CTNNA2: variants seen among roughly 807,000 people sequenced by gnomAD.
CTNNA2 encodes catenin alpha 2.
CTNNA2 carries 42 observed loss-of-function variants against 101.0 expected under a neutral mutation model. The observed-to-expected ratio is 0.42, with a 90% confidence interval of 0.32 to 0.54. CTNNA2 has a LOEUF of 0.54. CTNNA2 is among the 20% of genes least tolerant of loss of function. The probability of loss-of-function intolerance (pLI) is 0.14; values close to 1 mark genes in which losing one functional copy is unlikely to be tolerated. For synonymous variants in CTNNA2, 450 were observed against 456.4 expected, an observed-to-expected ratio of 0.99 and a Z score of 0.18; for missense variants, 871 against 1,223.1, an observed-to-expected ratio of 0.71 and a Z score of 4.29.
At chr2:80,360,217 G>C (rs1412054068) in intron 7 of CTNNA2, among the ~76,000 whole-genome samples, 1 of 152,056 alleles carries the variant, frequency 6.6e-6, no homozygotes, top group Admixed American at 6.6e-5. Context: ...GTTTATATAT[G>C]CTGAAAAGTT....
chr2:80,290,232 T>A (rs927481034), intron 7 of CTNNA2, among the ~76,000 whole-genome samples: 6 of 152,134 alleles, frequency 3.9e-5, no homozygotes, highest in African/African-American at 1.2e-4. Flanking sequence ...GCCAGATAGT[T>A]TTTTAGTACA....
intron 2 of CTNNA2, among the ~76,000 whole-genome samples, chr2:79,210,106 G>GTGTGTGTGTGTGTGTGTGTGTGTGTC (rs1674152680): frequency 1.3e-5 from 2 of 151,754 alleles, no homozygotes; most frequent in Non-Finnish European, 2.9e-5. Flanking sequence ...GTGTGTGTGT[G>GTGTGTGTGTGTGTGTGTGTGTGTGTC]TGTGTGTGTT....
intron 2 of CTNNA2, among the ~76,000 whole-genome samples, chr2:79,219,979 G>A (rs996176272): frequency 2.6e-5 from 4 of 152,152 alleles, no homozygotes; most frequent in Admixed American, 6.5e-5. Context: ...CCTCCTAGGA[G>A]TTTTCCTATT....
intron 9 of CTNNA2, among the ~76,000 whole-genome samples, chr2:80,503,603 G>C (rs974175181): frequency 1.4e-4 from 21 of 152,074 alleles, no homozygotes; most frequent in African/African-American, 5.1e-4. Context: ...GGCTCTTAGA[G>C]ACCTAATTCA....
At chr2:79,445,238 G>A (rs186831217) in intron 4 of CTNNA2, among the ~76,000 whole-genome samples, 1 of 152,104 alleles carries the variant, frequency 6.6e-6, no homozygotes, top group African/African-American at 2.4e-5. Context: ...GACTTACAAA[G>A]AACACAAGGA....
intron 4 of CTNNA2, among the ~76,000 whole-genome samples, chr2:79,378,251 C>T (rs1678001022): frequency 6.6e-6 from 1 of 152,228 alleles, no homozygotes; most frequent in East Asian, 1.9e-4. Context: ...ATGTCTTTGA[C>T]ATGGGCAATG....
chr2:80,097,073 C>T (rs187368829), intron 7 of CTNNA2, among the ~76,000 whole-genome samples: 44 of 152,240 alleles, frequency 2.9e-4, no homozygotes, highest in African/African-American at 9.6e-4. Context: ...TTATTTTGCT[C>T]GTTAGTTGAT....
At chr2:79,563,283 A>G (rs1160449574) in intron 1 of CTNNA2, among the ~76,000 whole-genome samples, 2 of 151,814 alleles carry the variant, frequency 1.3e-5, no homozygotes, top group Non-Finnish European at 2.9e-5. Flanking sequence ...TATATAATTT[A>G]TGATGGGATT....
chr2:80,047,854 G>A (rs76220730), intron 7 of CTNNA2, among the ~76,000 whole-genome samples: 2,459 of 152,210 alleles, frequency 0.016, 55 homozygotes, highest in African/African-American at 0.055. Context: ...AATTTGAAAC[G>A]TGAGGGACAA....
At chr2:80,372,965 C>G (rs575845346) in intron 7 of CTNNA2, among the ~76,000 whole-genome samples, 11 of 152,274 alleles carry the variant, frequency 7.2e-5, no homozygotes, top group Admixed American at 4.6e-4. Context: ...GGTAGCCCTC[C>G]ACAACAAAGA....
At chr2:80,199,164 G>A (rs1707033334) in intron 7 of CTNNA2, among the ~76,000 whole-genome samples, 1 of 109,978 alleles carries the variant, frequency 9.1e-6, no homozygotes, top group African/African-American at 3.6e-5. Flanking sequence ...CTGGGAGACA[G>A]AGTGAGACTC....
At chr2:79,593,667 C>T (rs933835595) in intron 1 of CTNNA2, among the ~76,000 whole-genome samples, 3 of 152,064 alleles carry the variant, frequency 2.0e-5, no homozygotes, top group Admixed American at 1.3e-4. Flanking sequence ...GAAATGCTGA[C>T]TCAGCATCTT....
chr2:79,703,444 G>A (rs554311788), intron 2 of CTNNA2, among the ~76,000 whole-genome samples: 149 of 152,266 alleles, frequency 9.8e-4, no homozygotes, highest in African/African-American at 3.3e-3. Context: ...TATGGTAAGT[G>A]AAATCCTTTC....
At position 80,490,590 on chromosome 2, in the gene CTNNA2, G is replaced by A. The variant is rs1241877240; in HGVS notation, c.1291-54392G>A. ...GCCTTGGGCCAGATTTAAACAGCGG[G>A]CTGCAGTTTGCTGAGCTCAGTTTTA... On this transcript the variant is annotated intron_variant, in intron 9 of 18. Transcript: ENST00000402739. Among the ~76,000 whole-genome samples the A allele has an allele frequency of 2.0e-5, 3 of 152,084 alleles. No individual in the cohort carries two copies. In the East Asian group the frequency reaches 5.8e-4, roughly 29 times the overall value.
At chr2:79,524,959 A>G (rs1284192199) in intron 1 of CTNNA2, among the ~76,000 whole-genome samples, 4 of 150,682 alleles carry the variant, frequency 2.7e-5, no homozygotes, top group Middle Eastern at 3.5e-3. Context: ...TCTTTTCTAT[A>G]TCTTGGATAG....
intron 7 of CTNNA2, among the ~76,000 whole-genome samples, chr2:80,049,968 A>C (rs553472602): frequency 6.6e-6 from 1 of 151,774 alleles, no homozygotes; most frequent in Non-Finnish European, 1.5e-5. Context: ...GGCCTATAGG[A>C]CTCTCAGTCA....
rs1286193612 is a variant in CTNNA2, at chr2:79,503,585, CT to C, written c.-134-1468del. Among the ~76,000 whole-genome samples, 4 of 152,226 alleles carry C rather than the reference CT, an allele frequency of 2.6e-5. No individual in the cohort carries two copies. The East Asian group carries it at 5.8e-4, about 22-fold the overall frequency. ...ACTGACATATTAGATACTGTGCCAGCTGAGAGACAATAATTTACAAATGTAG... is the reference window on the plus strand; with the variant it reads ...ACTGACATATTAGATACTGTGCCAGCGAGAGACAATAATTTACAAATGTAG... On this transcript the variant is annotated intron_variant, in intron 4 of 21. Coordinates refer to the CTNNA2 transcript ENST00000466387.
intron 7 of CTNNA2, among the ~76,000 whole-genome samples, chr2:80,270,580 C>A (rs1184423200): frequency 6.6e-6 from 1 of 152,110 alleles, no homozygotes; most frequent in Non-Finnish European, 1.5e-5. Flanking sequence ...CTTCATAGAG[C>A]CCTTTATGGT....
chr2:80,077,253 T>A (rs1698817458), intron 7 of CTNNA2, among the ~76,000 whole-genome samples: 1 of 152,110 alleles, frequency 6.6e-6, no homozygotes, highest in Admixed American at 6.5e-5. Flanking sequence ...CAATAACACT[T>A]TTAAGAAAGT....
Sources: allele counts gnomAD v4.1 joint callset (sites outside exome capture counted in the v4.1 genomes callset), GRCh38; gene constraint gnomAD v4.1.1; transcripts MANE v1.5; gene names NCBI Gene and HGNC (gene_info 2026-07-23, HGNC 2026-07-21).